The following RHOQ variants were observed in gnomAD, a reference collection of about 807,000 sequenced individuals.
RHOQ encodes ras homolog family member Q, also known as rho-related GTP-binding protein RhoQ.
A neutral mutation model predicts 25.8 loss-of-function variants in RHOQ; 7 were observed. That is an observed-to-expected ratio of 0.27 (90% CI 0.15 to 0.51). The LOEUF is 0.51. Ranked by LOEUF, RHOQ falls within the 20% of genes least tolerant of loss-of-function variation. RHOQ has a pLI of 0.97. For synonymous variants in RHOQ, 97 were observed against 98.6 expected, an observed-to-expected ratio of 0.98 and a Z score of 0.10; for missense variants, 165 against 260.6, an observed-to-expected ratio of 0.63 and a Z score of 2.53.
At position 46,582,754 on chromosome 2, in the gene RHOQ, T is replaced by C. The variant is rs1423787573; in HGVS notation, c.*1671T>C. 2 of 152,636 alleles carry C rather than the reference T, an allele frequency of 1.3e-5. No individual in the cohort carries two copies. Among genetic ancestry groups the C allele is most frequent in the Non-Finnish European group, 2.9e-5 (2 of 68,018 alleles). The allele number at this position is 152,636 out of a possible 1,614,324, so 9.5% of individuals were successfully genotyped here. A position where few individuals can be genotyped will look rare whatever the true frequency, so the allele number is the denominator to read the frequency against. ...TGAAAATGACAGCCTTAAATGCTCA[T>C]ATCAGTCACAAATCTAGGATGTACT... On this transcript the variant is annotated 3_prime_UTR_variant, in exon 5 of 5. Transcript: ENST00000238738.
rs1668275057 is a variant in RHOQ, at chr2:46,552,518, C to T, written c.201+8706C>T. On this transcript the variant is annotated intron_variant, in intron 2 of 4. Coordinates refer to ENST00000238738, the MANE Select transcript of RHOQ (RefSeq NM_012249.4). This position sits in a 1 kb window ranked among gnomAD's most constrained non-coding sequence, Gnocchi z 5.0. ...TCAGGGGAAGCCTACCTCTGCAAAA[C>T]TGTTTGTCCCTCCTTCATCTGAATA... Among the ~76,000 whole-genome samples the T allele has an allele frequency of 6.6e-6, 1 of 152,232 alleles. No individual in the cohort carries two copies. The highest frequency in any genetic ancestry group is 2.1e-4 in the South Asian group (1 of 4,832).
At chr2:46,551,720 GC>G (rs1668247358) in intron 2 of RHOQ, among the ~76,000 whole-genome samples, 1 of 152,210 alleles carries the variant, frequency 6.6e-6, no homozygotes, top group African/African-American at 2.4e-5. Flanking sequence ...CACTGAAGCA[GC>G]CGCCTCTCCA....
At chr2:46,572,912 C>T (rs1668982410) in intron 2 of RHOQ, 1 of 359,422 alleles carries the variant, frequency 2.8e-6, no homozygotes, top group South Asian at 2.2e-5. Context: ...ATTAAATTCA[C>T]ACAGGATACT....
Position 46,581,673 on chromosome 2 carries a change from A to G in RHOQ, c.*590A>G. 4 of 1,510,378 alleles carry G rather than the reference A, an allele frequency of 2.6e-6. No homozygotes were observed. The highest frequency in any genetic ancestry group is 3.6e-6 in the Non-Finnish European group (4 of 1,122,214). 93.6% of individuals were successfully genotyped at this position (1,510,378 alleles called of 1,614,324 possible). ...ACAAGTGTAACCTAAATATTTCTAT[A>G]TTAAAGCTTAATGTGCTTTCTTAAA... On this transcript the variant is annotated 3_prime_UTR_variant, in exon 5 of 5. Transcript: ENST00000238738.
At chr2:46,557,596 C>G (rs1275424756) in intron 2 of RHOQ, among the ~76,000 whole-genome samples, 2 of 151,950 alleles carry the variant, frequency 1.3e-5, no homozygotes, top group Non-Finnish European at 2.9e-5. Context: ...TAGAAATTTA[C>G]TTCTTTATAC....
rs767874550 is a variant in RHOQ at position 46,552,876 on chromosome 2, C to T, written c.201+9064C>T. ...GGGGCACAGAGGAGGAAGGCTTATC[C>T]TTCCAAGGAGGTGAAATGCTAGTAA... On this transcript the variant is annotated intron_variant, in intron 2 of 4. Coordinates refer to ENST00000238738, the MANE Select transcript of RHOQ (RefSeq NM_012249.4). The surrounding 1 kb of genome is among the most constrained non-coding windows in gnomAD (Gnocchi z 5.0). Among the ~76,000 whole-genome samples the T allele has an allele frequency of 1.6e-4, 24 of 152,228 alleles. No homozygotes were observed. Among genetic ancestry groups the T allele is most frequent in the Admixed American group, 1.5e-3 (23 of 15,282 alleles).
chr2:46,578,219 T>C (rs1228907473), intron 4 of RHOQ, among the ~76,000 whole-genome samples: 1 of 152,126 alleles, frequency 6.6e-6, no homozygotes, highest in Non-Finnish European at 1.5e-5. Context: ...TTAATTATAA[T>C]ACCCGTGTAG....
Position 46,576,559 on chromosome 2 carries a change from A to T in RHOQ, c.367-2A>T. On this transcript the variant is annotated splice_acceptor_variant, in intron 3 of 4. Coordinates refer to ENST00000238738, the MANE Select transcript of RHOQ (RefSeq NM_012249.4). LOFTEE classifies it high-confidence loss of function. The surrounding 1 kb of genome is among the most constrained non-coding windows in gnomAD (Gnocchi z 5.1). ...GGGACATTATTGACCTTTCTTAATT[A>T]GATTGATCTCCGAGATGACCCCAAA... 6.4e-7 allele frequency: 1 copy of T among 1,570,710 alleles called. No individual in the cohort carries two copies. The highest frequency in any genetic ancestry group is 8.7e-7 in the Non-Finnish European group (1 of 1,146,180).
intron 2 of RHOQ, among the ~76,000 whole-genome samples, chr2:46,570,888 T>C (rs1668892579): frequency 6.6e-6 from 1 of 152,216 alleles, no homozygotes; most frequent in African/African-American, 2.4e-5. Context: ...AGAGGAAAAC[T>C]CTAGTAGGTT....
chr2:46,581,686 G>A lies in RHOQ; in HGVS notation c.*603G>A. The A allele has an allele frequency of 6.8e-7, 1 of 1,473,320 alleles. No individual in the cohort carries two copies. The highest frequency in any genetic ancestry group is 9.1e-7 in the Non-Finnish European group (1 of 1,098,992). The allele number at this position is 1,473,320 out of a possible 1,614,324, so 91.3% of individuals were successfully genotyped here. A position where few individuals can be genotyped will look rare whatever the true frequency, so the allele number is the denominator to read the frequency against. ...AAATATTTCTATATTAAAGCTTAAT[G>A]TGCTTTCTTAAAGAATGCCAAAAGT... On this transcript the variant is annotated 3_prime_UTR_variant, in exon 5 of 5. Coordinates refer to ENST00000238738, the MANE Select transcript of RHOQ (RefSeq NM_012249.4).
chr2:46,545,858 A>G lies in RHOQ; in HGVS notation c.201+2046A>G, dbSNP rs74869223. Among the ~76,000 whole-genome samples the G allele has an allele frequency of 1.3e-3, 200 of 152,292 alleles. 5 individuals are homozygous for G. The East Asian group carries it at 0.02, about 15-fold the overall frequency. Reference sequence around the variant, plus strand: ...TCCAGAGTCACTTGAAGTTGACCCCACTTACAAAACCAGGGCTTTCCATAT... The same window carrying G: ...TCCAGAGTCACTTGAAGTTGACCCCGCTTACAAAACCAGGGCTTTCCATAT... On this transcript the variant is annotated intron_variant, in intron 2 of 4. Transcript: ENST00000238738.
intron 2 of RHOQ, among the ~76,000 whole-genome samples, chr2:46,559,025 C>T (rs1450253300): frequency 6.6e-6 from 1 of 152,182 alleles, no homozygotes; most frequent in Non-Finnish European, 1.5e-5. Flanking sequence ...GTGATCTAGG[C>T]TCACTGCAAC....
At chr2:46,560,821 T>G (rs1230640438) in intron 2 of RHOQ, 1 of 196,038 alleles carries the variant, frequency 5.1e-6, no homozygotes, top group Non-Finnish European at 1.1e-5. Context: ...AGGTTATAGC[T>G]TTCTTTAGTT....
intron 2 of RHOQ, among the ~76,000 whole-genome samples, chr2:46,563,777 C>G (rs1034658658): frequency 1.4e-4 from 22 of 151,974 alleles, no homozygotes; most frequent in African/African-American, 5.1e-4. Flanking sequence ...AAGATCATAC[C>G]TTTGCACACT....
In RHOQ at chr2:46,543,646, C is replaced by G; in HGVS notation, c.143-108C>G. 4 of 936,706 alleles carry G rather than the reference C, an allele frequency of 4.3e-6. No individual in the cohort carries two copies. In the South Asian group the frequency reaches 5.8e-5, roughly 14 times the overall value. The allele number at this position is 936,706 out of a possible 1,614,324, so 58.0% of individuals were successfully genotyped here. On this transcript the variant is annotated intron_variant, in intron 1 of 4. Coordinates refer to ENST00000238738, the MANE Select transcript of RHOQ (RefSeq NM_012249.4). Reference sequence around the variant, plus strand: ...GGTGACATCTCGCGGGGAGCGCCCCCACGCCTCTAGCTGGGTTGGGAGAGG... The same window carrying G: ...GGTGACATCTCGCGGGGAGCGCCCCGACGCCTCTAGCTGGGTTGGGAGAGG...
intron 2 of RHOQ, among the ~76,000 whole-genome samples, chr2:46,546,531 TAC>T (rs1220489874): frequency 1.1e-5 from 1 of 93,844 alleles, no homozygotes; most frequent in African/African-American, 4.6e-5. Context: ...TATATATATA[TAC>T]ACAAATCCTT....
chr2:46,543,451 T>C (rs1445052767), intron 1 of RHOQ: 20 of 600,210 alleles, frequency 3.3e-5, no homozygotes, highest in Admixed American at 2.7e-4. Context: ...CCGTCCTCCT[T>C]GACCTTCCCA....
chr2:46,561,001 AACACACACACACACACAC>A (rs61040858), intron 2 of RHOQ, among the ~76,000 whole-genome samples: 2 of 141,344 alleles, frequency 1.4e-5, no homozygotes, highest in East Asian at 4.2e-4. Context: ...AGACCCCATA[AACACACACACACACACAC>A]ACACACACAC....
intron 2 of RHOQ, among the ~76,000 whole-genome samples, chr2:46,563,399 C>G (rs1048236242): frequency 6.6e-6 from 1 of 152,178 alleles, no homozygotes; most frequent in East Asian, 1.9e-4. Flanking sequence ...AGCAGGCACT[C>G]TTCTGGGCTG....
Sources: gnomAD v4.1 joint callset for allele counts (sites outside exome capture counted in the v4.1 genomes callset) on GRCh38, gnomAD v4.1.1 for gene constraint, Gnocchi (gnomAD v3.1) non-coding constraint, MANE v1.5 for transcripts, NCBI Gene and HGNC (gene_info 2026-07-23, HGNC 2026-07-21) for gene names.